RIMS2: variants seen among roughly 807,000 people sequenced by gnomAD.
RIMS2 encodes the protein regulating synaptic membrane exocytosis protein 2.
A neutral mutation model predicts 174.4 loss-of-function variants in RIMS2; 59 were observed. That is an observed-to-expected ratio of 0.34 (90% confidence interval 0.27 to 0.42). The LOEUF (loss-of-function observed/expected upper bound fraction) is 0.42, where lower values mean the gene tolerates loss of function less well. Ranked by LOEUF, RIMS2 falls within the 10% of genes least tolerant of loss-of-function variation. The probability of loss-of-function intolerance (pLI) is 1.00; values close to 1 mark genes in which losing one functional copy is unlikely to be tolerated. For missense variants in RIMS2, 1,620 were observed against 1,666.3 expected, an observed-to-expected ratio of 0.97 and a Z score of 0.48; for synonymous variants, 606 against 572.5, an observed-to-expected ratio of 1.06 and a Z score of -0.84.
chr8:104,138,651 T>G (rs902202195), intron 19 of RIMS2, among the ~76,000 whole-genome samples: 12 of 152,174 alleles, frequency 7.9e-5, no homozygotes, highest in African/African-American at 2.9e-4. Flanking sequence ...CTGAACTCCT[T>G]GTATATTCTG....
At chr8:103,868,578 T>G (rs187219347) in intron 3 of RIMS2, among the ~76,000 whole-genome samples, 50 of 152,252 alleles carry the variant, frequency 3.3e-4, no homozygotes, top group African/African-American at 1.1e-3. Context: ...AATTCCCATG[T>G]GTTAAGATTA....
intron 14 of RIMS2, among the ~76,000 whole-genome samples, chr8:103,948,327 A>G: frequency 6.6e-6 from 1 of 152,220 alleles, no homozygotes; most frequent in East Asian, 1.9e-4. Context: ...CCACTAATTC[A>G]CCTTCAAGAG....
chr8:104,217,475 C>A (rs2099135870), intron 19 of RIMS2, among the ~76,000 whole-genome samples: 1 of 152,062 alleles, frequency 6.6e-6, no homozygotes, highest in African/African-American at 2.4e-5. Context: ...CACCTTGTTG[C>A]CCAGACTGGT....
chr8:103,681,609 T>C (rs888456566), intron 1 of RIMS2, among the ~76,000 whole-genome samples: 1 of 151,852 alleles, frequency 6.6e-6, no homozygotes, highest in African/African-American at 2.4e-5. Context: ...TAGTCTATAA[T>C]GGGATGAAAG....
chr8:103,791,977 C>G (rs1484971360), intron 3 of RIMS2, among the ~76,000 whole-genome samples: 1 of 152,160 alleles, frequency 6.6e-6, no homozygotes, highest in Non-Finnish European at 1.5e-5. Flanking sequence ...TAATGGGACA[C>G]TTTAACACCC....
rs573314391 is a variant in RIMS2 at position 103,885,052 on chromosome 8, T to C, written c.699-246T>C. ...TTTATAGCAGTGGAATATCATATTA[T>C]CTAATTTTCAAGCATAAGCATATTC... is the stretch of plus-strand genomic sequence containing the variant. On this transcript the variant is annotated intron_variant, in intron 3 of 23. Coordinates refer to ENST00000504942, the Ensembl canonical transcript of RIMS2. 6.4e-4 allele frequency among the ~76,000 whole-genome samples: 97 copies of C among 152,008 alleles called. 1 individual carries two copies. Among genetic ancestry groups the C allele is most frequent in the Non-Finnish European group, 1.2e-4 (8 of 67,898 alleles).
chr8:103,751,289 T>C (rs938598376), intron 2 of RIMS2, among the ~76,000 whole-genome samples: 3 of 152,100 alleles, frequency 2.0e-5, no homozygotes, highest in South Asian at 2.1e-4. Context: ...TCCTTTTTTA[T>C]GGCTGCATAG....
chr8:104,009,862 A>G (rs2095700948), intron 17 of RIMS2, among the ~76,000 whole-genome samples: 1 of 152,164 alleles, frequency 6.6e-6, no homozygotes, highest in African/African-American at 2.4e-5. Context: ...CCTGAGTTAC[A>G]TATTGGGGAA....
intron 10 of RIMS2, among the ~76,000 whole-genome samples, chr8:103,925,715 C>T (rs1366993518): frequency 6.6e-6 from 1 of 151,424 alleles, no homozygotes; most frequent in East Asian, 1.9e-4. Flanking sequence ...CTGAAATATC[C>T]ATAGAGACAG....
intron 17 of RIMS2, among the ~76,000 whole-genome samples, chr8:103,991,734 A>C (rs1037186406): frequency 2.0e-5 from 3 of 152,180 alleles, no homozygotes; most frequent in Non-Finnish European, 4.4e-5. Flanking sequence ...TTGAATGTAT[A>C]TATTTTATTG....
At chr8:103,669,525 G>T (rs1433508267) in intron 1 of RIMS2, among the ~76,000 whole-genome samples, 1 of 152,152 alleles carries the variant, frequency 6.6e-6, no homozygotes, top group Non-Finnish European at 1.5e-5. Flanking sequence ...CCACCTATGA[G>T]CCTGTAAAAT....
chr8:103,909,986 C>G (rs1219505315), intron 4 of RIMS2: 1 of 405,992 alleles, frequency 2.5e-6, no homozygotes, highest in Admixed American at 4.0e-5. Context: ...ATATATAGCA[C>G]TCACTATATA....
chr8:103,576,033 A>G (rs1384419514), intron 1 of RIMS2, among the ~76,000 whole-genome samples: 2 of 152,172 alleles, frequency 1.3e-5, no homozygotes, highest in Non-Finnish European at 2.9e-5. Context: ...CCAAACACAA[A>G]GTGGGAGGGC....
intron 1 of RIMS2, among the ~76,000 whole-genome samples, chr8:103,598,612 A>G (rs952794992): frequency 6.6e-6 from 1 of 152,182 alleles, no homozygotes; most frequent in Non-Finnish European, 1.5e-5. Flanking sequence ...CCTTACCTCT[A>G]TACTCTGTCC....
chr8:103,586,294 A>G (rs1290790441), intron 1 of RIMS2, among the ~76,000 whole-genome samples: 1 of 152,314 alleles, frequency 6.6e-6, no homozygotes, highest in Admixed American at 6.5e-5. Context: ...TGCAGAATAC[A>G]CATTCTTTTC....
intron 19 of RIMS2, among the ~76,000 whole-genome samples, chr8:104,163,711 G>A (rs2098778947): frequency 6.6e-6 from 1 of 152,164 alleles, no homozygotes; most frequent in African/African-American, 2.4e-5. Context: ...GCTGACATAA[G>A]AATGTAATTT....
At chr8:104,002,809 C>T (rs1596847254) in intron 17 of RIMS2, among the ~76,000 whole-genome samples, 1 of 152,230 alleles carries the variant, frequency 6.6e-6, no homozygotes, top group East Asian at 1.9e-4. Context: ...AGGACTACCT[C>T]TTTGGGAACA....
At chr8:104,110,785 A>G (rs2098167137) in intron 19 of RIMS2, among the ~76,000 whole-genome samples, 1 of 152,190 alleles carries the variant, frequency 6.6e-6, no homozygotes. Flanking sequence ...GGGAACTACT[A>G]CACATACAGT....
rs1168853275 is a variant in RIMS2 at position 103,763,284 on chromosome 8, A to C, written c.388-2943A>C. Among the ~76,000 whole-genome samples, 3 of 152,108 alleles carry C rather than the reference A, an allele frequency of 2.0e-5. 1 individual carries two copies. Among genetic ancestry groups the C allele is most frequent in the Non-Finnish European group, 4.4e-5 (3 of 68,012 alleles). On this transcript the variant is annotated intron_variant, in intron 2 of 23. Coordinates refer to ENST00000504942, the Ensembl canonical transcript of RIMS2. ...GAAACCCCATCTCTACAAAAATACAAAAATTAGCTGGCGTGGTGGCACATG... is the reference window on the plus strand; with the variant it reads ...GAAACCCCATCTCTACAAAAATACACAAATTAGCTGGCGTGGTGGCACATG...
Sources: allele counts gnomAD v4.1 joint callset (sites outside exome capture counted in the v4.1 genomes callset), GRCh38; gene constraint gnomAD v4.1.1; transcripts MANE v1.5; gene names NCBI Gene and HGNC (gene_info 2026-07-23, HGNC 2026-07-21).